Variants in SETD1A observed in about 807,000 individuals in gnomAD.
SETD1A encodes the protein histone-lysine N-methyltransferase SETD1A.
In SETD1A, 29 loss-of-function variants were observed where a neutral mutation model predicts 149.9. The observed-to-expected ratio is 0.19, with a 90% CI of 0.14 to 0.26. The LOEUF is 0.26. SETD1A is among the 10% of genes least tolerant of loss of function. The probability of loss-of-function intolerance (pLI) is 1.00; values close to 1 mark genes in which losing one functional copy is unlikely to be tolerated. For missense variants in SETD1A, 2,109 were observed against 2,353.1 expected (o/e 0.90, Z 2.15); for synonymous variants, 1,141 against 968.5 (o/e 1.18, Z -3.31).
intron 17 of SETD1A, 23 bp downstream of exon 17, chr16:30,981,203 G>A (rs1046064655): frequency 1.2e-5 from 19 of 1,612,940 alleles, no homozygotes; most frequent in East Asian, 4.5e-5. Flanking sequence ...TCCCAGCCCC[G>A]CCCCGGCTTC....
rs768625606 is a variant in SETD1A at position 30,979,981 on chromosome 16, C to T, written c.4195C>T (p.Arg1399Trp). The T allele has an allele frequency of 5.0e-5, 75 of 1,510,902 alleles. No individual in the cohort carries two copies. The highest frequency in any genetic ancestry group is 1.1e-4 in the Admixed American group (5 of 45,424). 93.6% of individuals were successfully genotyped at this position (1,510,902 alleles called of 1,614,324 possible). Residue 1399 changes from arginine to tryptophan, a missense_variant, in exon 14 of 19, where the codon CGG (arginine) becomes TGG (tryptophan). Around this residue, in one of 8 missense-constraint regions of SETD1A, gnomAD observed 832 missense variants for 815.6 expected, o/e 1.02. Coordinates refer to ENST00000262519, the MANE Select transcript of SETD1A (RefSeq NM_014712.3). ...GAGGCGCAGCCTCCGCTCCCACGCC[C>T]GGCGCCGCCGCCCTCCGCCCCCACC... ...LRRRSLRSHA[R>W]RRRPPPPPPP...
chr16:30,971,423 C>A lies in SETD1A; in HGVS notation c.3062C>A (p.Ala1021Asp). Residue 1021 changes from alanine to aspartate, a missense_variant, in exon 13 of 19, where the codon GCT (alanine) becomes GAT (aspartate). By Grantham distance (126) the Ala-to-Asp change is moderately radical (BLOSUM62 -2). Transcript: ENST00000262519. ...SDSSSKCSLYADSDGENDSTS... is the reference protein window; with the variant it reads ...SDSSSKCSLYDDSDGENDSTS... Reference sequence around the variant, plus strand: ...TCGTCTTCCAAATGTTCTCTGTATGCTGACTCAGATGGCGAAAATGACAGC... The same window carrying A: ...TCGTCTTCCAAATGTTCTCTGTATGATGACTCAGATGGCGAAAATGACAGC... The A allele has an allele frequency of 6.2e-7, 1 of 1,611,214 alleles. No homozygotes were observed. Among genetic ancestry groups the A allele is most frequent in the South Asian group, 1.1e-5 (1 of 90,812 alleles).
chr16:30,967,399 C>G, intron 9 of SETD1A, 102 bp from the exon 10 acceptor site: 1 of 1,015,698 alleles, frequency 9.8e-7, no homozygotes, highest in South Asian at 1.3e-5. Context: ...GGTGATCTAC[C>G]TGCCTTGGCC....
chr16:30,969,768 A>AT, intron 12 of SETD1A, 79 bp downstream of exon 12: 4 of 1,119,048 alleles, frequency 3.6e-6, no homozygotes, highest in Non-Finnish European at 5.5e-6. Flanking sequence ...CTGAGCCCAC[A>AT]TGACCTTCCT....
Position 30,979,991 on chromosome 16 carries a change from G to GCCCCACCCCCCCCC in SETD1A, c.4208_4209insCACCCCCCCCCCCC (p.Pro1404ThrfsTer26). 2 of 1,279,662 alleles carry GCCCCACCCCCCCCC rather than the reference G, an allele frequency of 1.6e-6. No individual in the cohort carries two copies. Among genetic ancestry groups the GCCCCACCCCCCCCC allele is most frequent in the Non-Finnish European group, 2.1e-6 (2 of 969,372 alleles). The allele number at this position is 1,279,662 out of a possible 1,614,324, so 79.3% of individuals were successfully genotyped here. On this transcript the variant is annotated frameshift_variant, in exon 14 of 19. Transcript: ENST00000262519. LOFTEE classifies it high-confidence loss of function. ...CTCCGCTCCCACGCCCGGCGCCGCC[G>GCCCCACCCCCCCCC]CCCTCCGCCCCCACCCCCGCCGCCA...
chr16:30,963,604 C>T (rs376861085), intron 5 of SETD1A, 50 bp downstream of exon 5: 94 of 1,566,066 alleles, frequency 6.0e-5, no homozygotes, highest in Middle Eastern at 5.3e-4. Context: ...GCATGGTGTC[C>T]GGGTGCCCGG....
chr16:30,981,747 G>A (rs973787964), intron 17 of SETD1A, among the ~76,000 whole-genome samples: 3 of 152,180 alleles, frequency 2.0e-5, no homozygotes, highest in Non-Finnish European at 4.4e-5. Flanking sequence ...ACAGAAGGAT[G>A]GTGTTCCAGC....
At position 30,979,529 on chromosome 16, in the gene SETD1A, G is replaced by A. The variant is rs1274813371; in HGVS notation, c.3743G>A (p.Gly1248Glu). Residue 1248 changes from glycine (G) to glutamate (E), a missense_variant, in exon 14 of 19, where the codon GGG becomes GAG. Physicochemically the swap from Gly to Glu is moderately conservative, Grantham distance 98. This residue lies in a region of SETD1A where 832 missense variants were observed against 815.6 expected (regional missense o/e 1.02). Transcript: ENST00000262519. Reference protein sequence around the residue: ...RLTEEEEAEPGTEVDLAVLAD... With the variant: ...RLTEEEEAEPETEVDLAVLAD... ...ACCGAGGAAGAGGAGGCTGAGCCAG[G>A]GACAGAGGTGGACCTGGCGGTCCTG... 1 of 1,607,918 alleles carries A rather than the reference G, an allele frequency of 6.2e-7. No homozygotes were observed. The highest frequency in any genetic ancestry group is 1.7e-5 in the Admixed American group (1 of 59,466).
At chr16:30,977,438 T>C (rs1472186027) in intron 13 of SETD1A, among the ~76,000 whole-genome samples, 1 of 152,210 alleles carries the variant, frequency 6.6e-6, no homozygotes, top group East Asian at 1.9e-4. Context: ...TCATATTGAC[T>C]GGGCAGGTGC....
intron 17 of SETD1A, among the ~76,000 whole-genome samples, chr16:30,982,942 A>G (rs1423674283): frequency 1.3e-5 from 2 of 152,224 alleles, no homozygotes; most frequent in African/African-American, 4.8e-5. Context: ...TATATGGTCA[A>G]GATGAGCTCC....
chr16:30,979,602 T>C lies in SETD1A; in HGVS notation c.3816T>C (p.Pro1272=), dbSNP rs1739144971. The change falls in exon 14 of 19, where the codon CCT becomes CCC. Residue 1272 remains proline, a synonymous_variant. Transcript: ENST00000262519. The part of the protein sequence containing the change: ...TPARRGLPAL[P]AVEDSEATET... ...CCCGGCGCGGGCTGCCTGCCCTGCC[T>C]GCTGTTGAAGACTCAGAGGCCACAG... 2.5e-6 allele frequency: 4 copies of C among 1,610,902 alleles called. No individual in the cohort carries two copies. Among genetic ancestry groups the C allele is most frequent in the Non-Finnish European group, 8.5e-7 (1 of 1,179,700 alleles).
In SETD1A at chr16:30,961,129, T is replaced by C; in HGVS notation, c.247-138T>C. On this transcript the variant is annotated intron_variant, in intron 3 of 18. Transcript: ENST00000262519. The surrounding 1 kb of genome is among the most constrained non-coding windows in gnomAD (Gnocchi z 4.0). The stretch of plus-strand genomic sequence containing the variant: ...AAAGGGGTCAGGTCTGATGGATCCC[T>C]TATTTTGGGCCCCTTCCCTTGCCCC... 1 of 805,692 alleles carries C rather than the reference T, an allele frequency of 1.2e-6. No homozygotes were observed. The highest frequency in any genetic ancestry group is 2.1e-6 in the Non-Finnish European group (1 of 479,600). The allele number at this position is 805,692 out of a possible 1,614,324, so 49.9% of individuals were successfully genotyped here.
At position 30,971,386 on chromosome 16, in the gene SETD1A, G is replaced by A. The variant is rs753072279; in HGVS notation, c.3025G>A (p.Glu1009Lys). 8 of 1,578,138 alleles carry A rather than the reference G, an allele frequency of 5.1e-6. No individual in the cohort carries two copies. In the East Asian group the frequency reaches 6.8e-5, roughly 13 times the overall value. ...KETEVSDGED[E>K]ESDSSSKCSL... ...CCCTTCTGGATTTCCAGGCGAGGAC[G>A]AGGAAAGCGATTCGTCTTCCAAATG... The change falls in exon 13 of 19, where the codon GAG becomes AAG. Residue 1009 changes from glutamate (E) to lysine (K), a missense_variant. Around this residue, in one of 8 missense-constraint regions of SETD1A, gnomAD observed 832 missense variants for 815.6 expected, o/e 1.02. Transcript: ENST00000262519.
chr16:30,958,766 C>T lies in SETD1A; in HGVS notation c.35C>T (p.Ala12Val), dbSNP rs776348863. The T allele has an allele frequency of 3.1e-6, 5 of 1,614,000 alleles. No homozygotes were observed. Among genetic ancestry groups the T allele is most frequent in the African/African-American group, 1.3e-5 (1 of 74,918 alleles). The change falls in exon 2 of 19, where the codon GCC (alanine) becomes GTC (valine). Residue 12 changes from alanine (A) to valine (V), a missense_variant. By Grantham distance (64) the Ala-to-Val change is moderately conservative. Coordinates refer to ENST00000262519, the MANE Select transcript of SETD1A (RefSeq NM_014712.3). Reference protein sequence around the residue: ...DQEGGGDGQKAPSFQWRNYKL... With the variant: ...DQEGGGDGQKVPSFQWRNYKL... ...GAAGGTGGGGGAGATGGGCAGAAGG[C>T]CCCGAGCTTCCAGTGGCGGAACTAC...
rs2056221842 is a variant in SETD1A, at chr16:30,971,396, A to G, written c.3035A>G (p.Asp1012Gly). 11 of 1,586,810 alleles carry G rather than the reference A, an allele frequency of 6.9e-6. No individual in the cohort carries two copies. In the East Asian group the frequency reaches 2.5e-4, roughly 36 times the overall value. The change falls in exon 13 of 19, where the codon GAT becomes GGT. Residue 1012 changes from aspartate to glycine, a missense_variant. Asp to Gly is a moderately conservative substitution (Grantham distance 94). Coordinates refer to ENST00000262519, the MANE Select transcript of SETD1A (RefSeq NM_014712.3). The part of the protein sequence containing the change: ...EVSDGEDEES[D>G]SSSKCSLYAD... Reference sequence around the variant, plus strand: ...TTTCCAGGCGAGGACGAGGAAAGCGATTCGTCTTCCAAATGTTCTCTGTAT... The same window carrying G: ...TTTCCAGGCGAGGACGAGGAAAGCGGTTCGTCTTCCAAATGTTCTCTGTAT...
intron 12 of SETD1A, among the ~76,000 whole-genome samples, chr16:30,971,073 C>G (rs971625020): frequency 6.6e-6 from 1 of 152,202 alleles, no homozygotes; most frequent in Non-Finnish European, 1.5e-5. Flanking sequence ...CTCTTGCTTC[C>G]GACATCCCTG....
intron 13 of SETD1A, 112 bp from the exon 14 acceptor site, chr16:30,979,033 G>A: frequency 9.1e-7 from 1 of 1,099,288 alleles, no homozygotes; most frequent in South Asian, 1.6e-5. Context: ...GTTCCCTCCG[G>A]GGTTCCTGGG....
chr16:30,975,863 CT>C (rs1345134570), intron 13 of SETD1A, among the ~76,000 whole-genome samples: 1 of 152,014 alleles, frequency 6.6e-6, no homozygotes, highest in African/African-American at 2.4e-5. Context: ...GAGGGGTTAG[CT>C]TTTCCAAGTA....
chr16:30,983,806 G>C lies in SETD1A; in HGVS notation c.4950+34G>C, dbSNP rs778658373. 50 of 1,611,896 alleles carry C rather than the reference G, an allele frequency of 3.1e-5. No individual in the cohort carries two copies. The highest frequency in any genetic ancestry group is 4.2e-5 in the Non-Finnish European group (50 of 1,178,530). The stretch of plus-strand genomic sequence containing the variant: ...GGGGCCAGCCGGGGCAGGAGTTGGG[G>C]GTCGGTGGGGGTGGCCACGGCTCAC... On this transcript the variant is annotated intron_variant, in intron 18 of 18. Transcript: ENST00000262519. This position sits in a 1 kb window ranked among gnomAD's most constrained non-coding sequence, Gnocchi z 6.8.
Sources: gnomAD v4.1 joint callset for allele counts (sites outside exome capture counted in the v4.1 genomes callset) on GRCh38, gnomAD v4.1.1 for gene constraint, gnomAD v4.1.1 regional missense constraint, Gnocchi (gnomAD v3.1) non-coding constraint, MANE v1.5 for transcripts, NCBI Gene and HGNC (gene_info 2026-07-23, HGNC 2026-07-21) for gene names.